Variants in UNC80 observed in about 807,000 individuals in gnomAD.
The protein encoded by UNC80 is protein unc-80 homolog.
UNC80 carries 164 observed loss-of-function variants against 384.6 expected under a neutral mutation model. The ratio of observed to expected loss-of-function variants is 0.43; its 90% CI spans 0.38 to 0.49. The LOEUF (loss-of-function observed/expected upper bound fraction) is 0.49, where lower values mean the gene tolerates loss of function less well. UNC80 is among the 20% of genes least tolerant of loss of function. The pLI is 0.00. For missense variants in UNC80, 3,330 were observed against 4,143.0 expected (o/e 0.80, Z 5.39); for synonymous variants, 1,486 against 1,527.8 (o/e 0.97, Z 0.64).
At chr2:209,793,950 T>G in intron 7 of UNC80, 91 bp downstream of exon 7, 1 of 1,452,518 alleles carries the variant, frequency 6.9e-7, no homozygotes, top group Non-Finnish European at 9.5e-7. Flanking sequence ...CTCTGTTCCT[T>G]AAAATATGTA....
intron 24 of UNC80, among the ~76,000 whole-genome samples, chr2:209,878,364 G>A (rs1559249397): frequency 6.6e-6 from 1 of 152,092 alleles, no homozygotes; most frequent in African/African-American, 2.4e-5. Flanking sequence ...ACAAATATTG[G>A]TATTAGACTT....
intron 38 of UNC80, among the ~76,000 whole-genome samples, chr2:209,933,149 T>C (rs1185904749): frequency 6.6e-6 from 1 of 152,204 alleles, no homozygotes; most frequent in Admixed American, 6.5e-5. Context: ...CCTCATCTTA[T>C]TTCAATGTAT....
intron 26 of UNC80, among the ~76,000 whole-genome samples, chr2:209,890,544 A>G (rs1285184036): frequency 6.6e-6 from 1 of 152,224 alleles, no homozygotes; most frequent in African/African-American, 2.4e-5. Flanking sequence ...TGATCATAAG[A>G]TGTCATCTCT....
rs559369731 is a variant in UNC80 at position 209,933,571 on chromosome 2, AG to A, written c.5995-245del. Among the ~76,000 whole-genome samples the A allele has an allele frequency of 1.6e-4, 8 of 48,540 alleles. No individual in the cohort carries two copies. In the South Asian group the frequency reaches 6.1e-3, roughly 37 times the overall value. The allele number at this position is 48,540 out of a possible 152,430, so 31.8% of individuals were successfully genotyped here. ...AGTGACATGATGCCTGGGTGGGGGG[AG>A]GGGGGAATGATCTGCTTTTTTCTTA... is the stretch of plus-strand genomic sequence containing the variant. On this transcript the variant is annotated intron_variant, in intron 38 of 64. Coordinates refer to ENST00000673920, the MANE Select transcript of UNC80 (RefSeq NM_001371986.1).
At chr2:209,929,079 G>T (rs2090650047) in intron 36 of UNC80, among the ~76,000 whole-genome samples, 1 of 152,138 alleles carries the variant, frequency 6.6e-6, no homozygotes, top group Non-Finnish European at 1.5e-5. Context: ...TTATTTATAT[G>T]TCCTTTAACT....
rs994824802 is a variant in UNC80 at position 209,992,240 on chromosome 2, T to C, written c.9389T>C (p.Leu3130Pro). The change falls in exon 62 of 65, where the codon CTG (leucine) becomes CCG (proline). Residue 3130 changes from leucine to proline, a missense_variant. By Grantham distance (98) the Leu-to-Pro change is moderately conservative. Coordinates refer to ENST00000673920, the MANE Select transcript of UNC80 (RefSeq NM_001371986.1). ...CAGCCGCTGGGGAGGAAGAGGGGCC[T>C]GAGGCAGGTAAGTAGACCCTTAAAG... ...VQQPLGRKRG[L>P]RQLRRPLLSR... 1.3e-6 allele frequency: 2 copies of C among 1,551,332 alleles called. No homozygotes were observed. The highest frequency in any genetic ancestry group is 2.7e-5 in the African/African-American group (2 of 72,996).
chr2:209,904,577 G>T (rs547708468), intron 28 of UNC80, among the ~76,000 whole-genome samples, 188 bp from the exon 29 acceptor site: 1 of 152,154 alleles, frequency 6.6e-6, no homozygotes, highest in African/African-American at 2.4e-5. Context: ...AGTATGAATG[G>T]GGGGAGAACA....
chr2:209,896,478 A>G, intron 28 of UNC80, 65 bp downstream of exon 28: 1 of 1,292,276 alleles, frequency 7.7e-7, no homozygotes, highest in Non-Finnish European at 1.1e-6. Flanking sequence ...AGATCCAAGG[A>G]GGGAGGACAA....
At chr2:209,886,664 G>GT (rs1349247251) in intron 25 of UNC80, among the ~76,000 whole-genome samples, 3 of 152,066 alleles carry the variant, frequency 2.0e-5, no homozygotes, top group Non-Finnish European at 4.4e-5. Context: ...CCCCCAATGT[G>GT]TGATACTGCT....
At chr2:209,909,953 A>C (rs982387797) in intron 29 of UNC80, among the ~76,000 whole-genome samples, 1 of 151,774 alleles carries the variant, frequency 6.6e-6, no homozygotes, top group Non-Finnish European at 1.5e-5. Flanking sequence ...ATCAATACCA[A>C]AGGACAGAAT....
chr2:209,833,966 C>G, intron 16 of UNC80, 36 bp from the exon 17 acceptor site: 1 of 1,545,098 alleles, frequency 6.5e-7, no homozygotes, highest in Non-Finnish European at 8.7e-7. Context: ...ACACAGCTAT[C>G]TTTCTTTCTC....
chr2:209,794,724 G>A, intron 7 of UNC80: 1 of 449,002 alleles, frequency 2.2e-6, no homozygotes, highest in Middle Eastern at 4.0e-4. Flanking sequence ...AATCTCATGA[G>A]ATCTGATGGG....
Position 209,921,684 on chromosome 2 carries a change from A to G in UNC80, c.5528A>G (p.Glu1843Gly), listed in dbSNP as rs1192860844. Reference protein sequence around the residue: ...TCTPNSEPEEEVEEVTNLASR... With the variant: ...TCTPNSEPEEGVEEVTNLASR... ...ACGCCCAACTCAGAACCGGAAGAAG[A>G]AGGTGCCCTCTGCACACAGGACTTC... Residue 1843 changes from glutamate to glycine, a missense_variant and splice_region_variant, in exon 34 of 65, where the codon GAA becomes GGA. Glu to Gly is a moderately conservative substitution (Grantham distance 98). Transcript: ENST00000673920. 1 of 1,549,392 alleles carries G rather than the reference A, an allele frequency of 6.5e-7. No individual in the cohort carries two copies.
chr2:209,910,172 G>C (rs1014388241), intron 29 of UNC80, among the ~76,000 whole-genome samples: 1 of 151,086 alleles, frequency 6.6e-6, no homozygotes, highest in African/African-American at 2.4e-5. Flanking sequence ...CTGTCCTTTG[G>C]TCTTGGGTTG....
chr2:209,848,006 A>G (rs1448296500), intron 21 of UNC80, among the ~76,000 whole-genome samples: 1 of 152,100 alleles, frequency 6.6e-6, no homozygotes, highest in East Asian at 1.9e-4. Context: ...ATCCTTTGGT[A>G]TACATATTAG....
intron 47 of UNC80, among the ~76,000 whole-genome samples, chr2:209,951,761 A>G (rs915009644): frequency 2.0e-5 from 3 of 152,164 alleles, no homozygotes; most frequent in African/African-American, 7.2e-5. Context: ...ATAATTTTAG[A>G]AAATTTGACT....
intron 7 of UNC80, chr2:209,809,512 C>G (rs2079179277): frequency 6.2e-6 from 7 of 1,133,574 alleles, no homozygotes; most frequent in Non-Finnish European, 9.4e-6. Context: ...GGCGTGCGCT[C>G]GAACCTTCTC....
intron 6 of UNC80, among the ~76,000 whole-genome samples, chr2:209,790,772 A>G (rs537663767): frequency 1.6e-4 from 24 of 152,310 alleles, no homozygotes; most frequent in South Asian, 6.2e-4. Flanking sequence ...ACCTACACCA[A>G]TTTATTTCAC....
intron 5 of UNC80, among the ~76,000 whole-genome samples, chr2:209,788,349 G>T (rs1020029035): frequency 1.3e-4 from 20 of 151,360 alleles, no homozygotes; most frequent in African/African-American, 3.6e-4. Context: ...CCTGGGAGGT[G>T]GAGGTTGCGG....
Sources: allele counts gnomAD v4.1 joint callset (sites outside exome capture counted in the v4.1 genomes callset), GRCh38; gene constraint gnomAD v4.1.1; transcripts MANE v1.5; gene names NCBI Gene and HGNC (gene_info 2026-07-23, HGNC 2026-07-21).